Variants in CCDC142 observed in about 807,000 individuals in gnomAD.
The protein encoded by CCDC142 is coiled-coil domain-containing protein 142.
A neutral mutation model predicts 83.8 loss-of-function variants in CCDC142; 67 were observed. The observed-to-expected ratio is 0.80, with a 90% CI of 0.66 to 0.98. The LOEUF (loss-of-function observed/expected upper bound fraction) is 0.98. CCDC142 is among the 50% of genes least tolerant of loss of function. The pLI, the probability that CCDC142 is intolerant of heterozygous loss-of-function variation, is 0.00. For missense variants in CCDC142, 905 were observed against 946.8 expected, an observed-to-expected ratio of 0.96 and a Z score of 0.58; for synonymous variants, 421 against 421.2, an observed-to-expected ratio of 1.00 and a Z score of 0.01.
Position 74,482,516 on chromosome 2 carries a change from CCTGGAGGAGCTGCT to C in CCDC142, c.308_321del (p.Glu103GlyfsTer28). The C allele has an allele frequency of 6.4e-7, 1 of 1,573,934 alleles. No individual in the cohort carries two copies. Among genetic ancestry groups the C allele is most frequent in the Non-Finnish European group, 8.6e-7 (1 of 1,159,654 alleles). On this transcript the variant is annotated frameshift_variant, in exon 1 of 9. Transcript: ENST00000393965. LOFTEE classifies it high-confidence loss of function. This position sits in a 1 kb window ranked among gnomAD's most constrained non-coding sequence, Gnocchi z 5.0. Reference sequence around the variant, plus strand: ...TGTAGGTGGTAGGCGCAGTCTCGGGCCTGGAGGAGCTGCTCCCGCTCGCGATGCAGCCGCAGCAA... The same window carrying C: ...TGTAGGTGGTAGGCGCAGTCTCGGGCCCCGCTCGCGATGCAGCCGCAGCAA...
chr2:74,481,430 C>A, intron 2 of CCDC142, 22 bp downstream of exon 2: 1 of 1,614,056 alleles, frequency 6.2e-7, no homozygotes, highest in Non-Finnish European at 8.5e-7. Flanking sequence ...TTATGTCACC[C>A]CCAGTGCCCC....
Position 74,474,899 on chromosome 2 carries a change from G to T in CCDC142, c.1996+17C>A. On this transcript the variant is annotated intron_variant, in intron 8 of 8. Transcript: ENST00000393965. ...GTTTGGGACACACAAAGCAGTGAGCGAAGGGGAGTAACTCACAGCAACAGG... is the reference window on the plus strand; with the variant it reads ...GTTTGGGACACACAAAGCAGTGAGCTAAGGGGAGTAACTCACAGCAACAGG... The T allele has an allele frequency of 1.3e-6, 2 of 1,584,524 alleles. No individual in the cohort carries two copies. Among genetic ancestry groups the T allele is most frequent in the Middle Eastern group, 1.7e-4 (1 of 5,894 alleles).
chr2:74,474,352 G>T lies in CCDC142; in HGVS notation c.*194C>A. ...CCTGCCTCGGTCTCCCAAAGTGCTG[G>T]ATTACAGGCGTGAGCCACCTCGCCC... On this transcript the variant is annotated 3_prime_UTR_variant, in exon 9 of 9. Transcript: ENST00000393965. The T allele has an allele frequency of 1.6e-6, 1 of 643,522 alleles. No individual in the cohort carries two copies. Among genetic ancestry groups the T allele is most frequent in the Non-Finnish European group, 2.5e-6 (1 of 399,418 alleles). 39.9% of individuals were successfully genotyped at this position (643,522 alleles called of 1,614,324 possible). A position where few individuals can be genotyped will look rare whatever the true frequency, so the allele number is the denominator to read the frequency against.
At chr2:74,474,869 ATAGGGTTTGG>A (rs1443627232) in intron 8 of CCDC142, 37 bp downstream of exon 8, 1 of 1,579,246 alleles carries the variant, frequency 6.3e-7, no homozygotes, top group Admixed American at 1.8e-5. Context: ...AATGGTGAGA[ATAGGGTTTGG>A]GACACACAAA....
At chr2:74,476,202 T>C (rs1338481096) in intron 5 of CCDC142, among the ~76,000 whole-genome samples, 1 of 152,100 alleles carries the variant, frequency 6.6e-6, no homozygotes, top group Non-Finnish European at 1.5e-5. Flanking sequence ...AGGCAGAGTC[T>C]TGCTGTGTCG....
At chr2:74,480,184 C>CA (rs1672409901) in intron 5 of CCDC142, among the ~76,000 whole-genome samples, 3 of 152,180 alleles carry the variant, frequency 2.0e-5, no homozygotes, top group Admixed American at 2.0e-4. Flanking sequence ...AGGGGATACA[C>CA]AGATGAAATT....
chr2:74,475,040 C>G lies in CCDC142; in HGVS notation c.1872G>C (p.Leu624=), dbSNP rs1672288263. 9.3e-6 allele frequency: 15 copies of G among 1,614,080 alleles called. No individual in the cohort carries two copies. In the East Asian group the frequency reaches 3.3e-4, roughly 36 times the overall value. ...RELLEEEQWS[L]SPDLRQTLLM... Reference sequence around the variant, plus strand: ...GCAGGGTCTGGCGGAGATCAGGGGACAGGCTCCACTGCTCCTCTTCCAGCA... The same window carrying G: ...GCAGGGTCTGGCGGAGATCAGGGGAGAGGCTCCACTGCTCCTCTTCCAGCA... The change falls in exon 8 of 9, where the codon CTG becomes CTC. Residue 624 remains leucine (L), a synonymous_variant. Coordinates refer to ENST00000393965, the MANE Select transcript of CCDC142 (RefSeq NM_001365575.2).
Position 74,480,775 on chromosome 2 carries a change from C to A in CCDC142, c.1497G>T (p.Gln499His), listed in dbSNP as rs1672421923. ...TTGAGGCCCCTGTTCTCACCTGGATCTGTGCAGTCAGCTTCTGGATCTCCA... is the reference window on the plus strand; with the variant it reads ...TTGAGGCCCCTGTTCTCACCTGGATATGTGCAGTCAGCTTCTGGATCTCCA... ...LGLEIQKLTA[Q>H]IQLLPEESLS... The change falls in exon 5 of 9, where the codon CAG (glutamine) becomes CAT (histidine). Residue 499 changes from glutamine to histidine, a missense_variant. By Grantham distance (24) the Gln-to-His change is conservative. This residue lies in a region of CCDC142 where 49 missense variants were observed against 86.4 expected (regional missense o/e 0.57). Coordinates refer to ENST00000393965, the MANE Select transcript of CCDC142 (RefSeq NM_001365575.2). The A allele has an allele frequency of 6.2e-7, 1 of 1,611,084 alleles. No individual in the cohort carries two copies. The highest frequency in any genetic ancestry group is 8.5e-7 in the Non-Finnish European group (1 of 1,177,620).
intron 5 of CCDC142, among the ~76,000 whole-genome samples, chr2:74,477,526 A>G (rs767374904): frequency 6.6e-6 from 1 of 152,200 alleles, no homozygotes; most frequent in Non-Finnish European, 1.5e-5. Flanking sequence ...CCCAGTGAAC[A>G]TACCCACAAA....
At chr2:74,480,914 C>T (rs1228009326) in intron 4 of CCDC142, 32 bp from the exon 5 acceptor site, 2 of 1,612,604 alleles carry the variant, frequency 1.2e-6, no homozygotes, top group Admixed American at 1.7e-5. Context: ...GAGGGCTCAG[C>T]CTAGCTCAGG....
Position 74,481,521 on chromosome 2 carries a change from ACT to A in CCDC142, c.1037_1038del (p.Glu346ValfsTer2), listed in dbSNP as rs1672461476. ...CACAAAGATGCCAGCTCCTTCTCAC[ACT>A]CCTGAGGCAGGGATGCTAGTGGGAG... The part of the protein sequence containing the change: ...QALGQASLPQ[E>X]CEKELASLCH... On this transcript the variant is annotated frameshift_variant, in exon 2 of 9. Transcript: ENST00000393965. LOFTEE classifies it high-confidence loss of function. 6.2e-7 allele frequency: 1 copy of A among 1,613,924 alleles called. No homozygotes were observed. Among genetic ancestry groups the A allele is most frequent in the East Asian group, 2.2e-5 (1 of 44,866 alleles).
chr2:74,472,988 C>T lies in CCDC142; in HGVS notation c.*1558G>A. 1 of 401,022 alleles carries T rather than the reference C, an allele frequency of 2.5e-6. No individual in the cohort carries two copies. The highest frequency in any genetic ancestry group is 4.7e-6 in the Non-Finnish European group (1 of 215,038). The allele number at this position is 401,022 out of a possible 1,614,324, so 24.8% of individuals were successfully genotyped here. A position where few individuals can be genotyped will look rare whatever the true frequency, so the allele number is the denominator to read the frequency against. On this transcript the variant is annotated 3_prime_UTR_variant, in exon 9 of 9. Coordinates refer to ENST00000393965, the MANE Select transcript of CCDC142 (RefSeq NM_001365575.2). ...CCCGTTTTCTGCAGCCTTTCCCCTT[C>T]TGTACCCTGCTGGGCCACATCTAGG...
chr2:74,478,275 C>T (rs950228181), intron 5 of CCDC142, among the ~76,000 whole-genome samples: 10 of 150,710 alleles, frequency 6.6e-5, no homozygotes, highest in South Asian at 6.3e-4. Context: ...TTGGCCAGGC[C>T]GGTCTTGATC....
In CCDC142 at chr2:74,474,988, C is replaced by T. The variant is rs768667512; in HGVS notation, c.1924G>A (p.Asp642Asn). Residue 642 changes from aspartate to asparagine, a missense_variant, in exon 8 of 9, where the codon GAT (aspartate) becomes AAT (asparagine). This residue lies in a region of CCDC142 where 265 missense variants were observed against 288.9 expected (regional missense o/e 0.92). Transcript: ENST00000393965. ...LLMLSIFQQLDGALLCLLQQP... is the reference protein window; with the variant it reads ...LLMLSIFQQLNGALLCLLQQP... ...TGCAACAGACACAGCAGGGCCCCAT[C>T]CAGCTGCTGGAAGATGCTGAGCATG... is the stretch of plus-strand genomic sequence containing the variant. The T allele has an allele frequency of 3.7e-6, 6 of 1,613,704 alleles. No homozygotes were observed. Among genetic ancestry groups the T allele is most frequent in the East Asian group, 4.5e-5 (2 of 44,878 alleles).
In CCDC142 at chr2:74,481,385, G is replaced by A; in HGVS notation, c.1109-13C>T. 6.2e-7 allele frequency: 1 copy of A among 1,614,144 alleles called. No individual in the cohort carries two copies. The highest frequency in any genetic ancestry group is 1.1e-5 in the South Asian group (1 of 91,074). On this transcript the variant is annotated splice_polypyrimidine_tract_variant and intron_variant, in intron 2 of 8. Coordinates refer to ENST00000393965, the MANE Select transcript of CCDC142 (RefSeq NM_001365575.2). ...GCCTGGCAGAAACCTGAGGATGAGAGAGTATAGTGTGGTGGGGAAGCGGTA... is the reference window on the plus strand; with the variant it reads ...GCCTGGCAGAAACCTGAGGATGAGAAAGTATAGTGTGGTGGGGAAGCGGTA...
rs1558574293 is a variant in CCDC142, at chr2:74,481,071, G to A, written c.1274C>T (p.Ala425Val). The change falls in exon 4 of 9, where the codon GCC becomes GTC. Residue 425 changes from alanine (A) to valine (V), a missense_variant. Coordinates refer to ENST00000393965, the MANE Select transcript of CCDC142 (RefSeq NM_001365575.2). Reference sequence around the variant, plus strand: ...GGTCTGAAGGGTACAGAGACCTAGGGCGACAGGCGCAGGATCTGGGGATTT... The same window carrying A: ...GGTCTGAAGGGTACAGAGACCTAGGACGACAGGCGCAGGATCTGGGGATTT... ...FCQPADPAPV[A>V]LGLCTLQTTL... is the part of the protein sequence containing the mutation. 5 of 1,613,152 alleles carry A rather than the reference G, an allele frequency of 3.1e-6. No homozygotes were observed. The highest frequency in any genetic ancestry group is 4.5e-5 in the East Asian group (2 of 44,882).
Position 74,474,506 on chromosome 2 carries a change from TG to T in CCDC142, c.*39del. 2 of 1,541,882 alleles carry T rather than the reference TG, an allele frequency of 1.3e-6. No individual in the cohort carries two copies. On this transcript the variant is annotated 3_prime_UTR_variant, in exon 9 of 9. Transcript: ENST00000393965. ...AATGTCTGGATTTTCCAGCTAGAGATGGGGAGCTCTTAACTTTCTGGCTCCT... is the reference window on the plus strand; with the variant it reads ...AATGTCTGGATTTTCCAGCTAGAGATGGGAGCTCTTAACTTTCTGGCTCCT...
At chr2:74,476,680 GGTTT>G (rs1257573028) in intron 5 of CCDC142, among the ~76,000 whole-genome samples, 2 of 152,198 alleles carry the variant, frequency 1.3e-5, no homozygotes, top group African/African-American at 4.8e-5. Context: ...CTATATGCTG[GGTTT>G]GTTTCTTTGG....
Position 74,481,055 on chromosome 2 carries a change from G to A in CCDC142, c.1290C>T (p.Thr430=). Reference sequence around the variant, plus strand: ...GGAACCAGAGCAAGGTGGTCTGAAGGGTACAGAGACCTAGGGCGACAGGCG... The same window carrying A: ...GGAACCAGAGCAAGGTGGTCTGAAGAGTACAGAGACCTAGGGCGACAGGCG... ...DPAPVALGLC[T]LQTTLLWFLG... Residue 430 remains threonine (T), a synonymous_variant, in exon 4 of 9, where the codon ACC becomes ACT. Transcript: ENST00000393965. The A allele has an allele frequency of 6.2e-7, 1 of 1,613,956 alleles. No homozygotes were observed. Among genetic ancestry groups the A allele is most frequent in the Non-Finnish European group, 8.5e-7 (1 of 1,179,954 alleles).
Sources: allele counts gnomAD v4.1 joint callset (sites outside exome capture counted in the v4.1 genomes callset), GRCh38; gene constraint gnomAD v4.1.1; regional missense constraint gnomAD v4.1.1; non-coding constraint Gnocchi (gnomAD v3.1); transcripts MANE v1.5; gene names NCBI Gene and HGNC (gene_info 2026-07-23, HGNC 2026-07-21).